The following CACHD1 variants were observed in gnomAD, a reference collection of about 807,000 sequenced individuals.
CACHD1 encodes VWFA and cache domain-containing protein 1.
A neutral mutation model predicts 138.7 loss-of-function variants in CACHD1; 71 were observed. That is an observed-to-expected ratio of 0.51 (90% CI 0.42 to 0.62). The LOEUF (loss-of-function observed/expected upper bound fraction) is 0.62. CACHD1 is among the 20% of genes least tolerant of loss of function. CACHD1 has a pLI of 0.00. For synonymous variants in CACHD1, 578 were observed against 591.5 expected (o/e 0.98, Z 0.33); for missense variants, 1,389 against 1,625.3 (o/e 0.85, Z 2.50).
At chr1:64,481,699 G>C (rs1192522654) in intron 1 of CACHD1, among the ~76,000 whole-genome samples, 2 of 152,216 alleles carry the variant, frequency 1.3e-5, no homozygotes, top group African/African-American at 4.8e-5. Flanking sequence ...TTCAGCTGTG[G>C]CAGAGCTGAT....
chr1:64,611,516 A>G (rs922798114), intron 4 of CACHD1, among the ~76,000 whole-genome samples: 1 of 152,214 alleles, frequency 6.6e-6, no homozygotes, highest in Admixed American at 6.5e-5. Flanking sequence ...CAGATACCCT[A>G]AATCATCTCT....
chr1:64,536,742 C>G (rs1646635491), intron 1 of CACHD1, among the ~76,000 whole-genome samples: 3 of 152,282 alleles, frequency 2.0e-5, no homozygotes, highest in Admixed American at 1.3e-4. Flanking sequence ...GTGATTAACA[C>G]TGGATGTTGG....
intron 1 of CACHD1, among the ~76,000 whole-genome samples, chr1:64,508,970 C>T (rs1646398162): frequency 6.6e-6 from 1 of 152,182 alleles, no homozygotes. Context: ...TTGGCTGCTA[C>T]TCCCCTCATC....
At chr1:64,528,570 A>T (rs12081731) in intron 1 of CACHD1, among the ~76,000 whole-genome samples, 5,128 of 152,282 alleles carry the variant, frequency 0.034, 136 homozygotes, top group African/African-American at 0.067. Context: ...TGAATAAATT[A>T]TTAGTTTTGT....
chr1:64,627,400 C>T (rs1648147517), intron 4 of CACHD1, among the ~76,000 whole-genome samples: 1 of 152,018 alleles, frequency 6.6e-6, no homozygotes, highest in Non-Finnish European at 1.5e-5. Flanking sequence ...GAGTGAGACC[C>T]TGTCTCAAAA....
chr1:64,616,386 G>A (rs1274013620), intron 4 of CACHD1, among the ~76,000 whole-genome samples: 3 of 152,092 alleles, frequency 2.0e-5, no homozygotes, highest in Non-Finnish European at 4.4e-5. Context: ...CAACAGACAA[G>A]TTCAATTATG....
intron 4 of CACHD1, among the ~76,000 whole-genome samples, chr1:64,604,549 A>C (rs923539438): frequency 6.6e-6 from 1 of 152,244 alleles, no homozygotes; most frequent in African/African-American, 2.4e-5. Context: ...CTTGAGGTTG[A>C]AATAGCAATC....
intron 1 of CACHD1, among the ~76,000 whole-genome samples, chr1:64,495,391 T>C (rs1219959395): frequency 1.3e-5 from 2 of 152,216 alleles, no homozygotes; most frequent in Non-Finnish European, 2.9e-5. Context: ...TTTTCTCATG[T>C]ATTAGGAAAA....
At chr1:64,690,718 A>G (rs1052812762) in intron 26 of CACHD1, among the ~76,000 whole-genome samples, 5 of 152,238 alleles carry the variant, frequency 3.3e-5, no homozygotes, top group African/African-American at 4.8e-5. Context: ...ATTAAAATAT[A>G]TCACCATTGG....
At chr1:64,502,560 G>A (rs1462213429) in intron 1 of CACHD1, among the ~76,000 whole-genome samples, 1 of 152,126 alleles carries the variant, frequency 6.6e-6, no homozygotes. Flanking sequence ...GCATCTATGT[G>A]TGTGTGTGTG....
At chr1:64,614,467 T>C (rs1647641599) in intron 4 of CACHD1, among the ~76,000 whole-genome samples, 1 of 151,996 alleles carries the variant, frequency 6.6e-6, no homozygotes, top group Non-Finnish European at 1.5e-5. Flanking sequence ...TCTAGACATC[T>C]TGTTGGACAT....
At position 64,654,717 on chromosome 1, in the gene CACHD1, C is replaced by T; in HGVS notation, c.1696C>T (p.Pro566Ser). 1 of 1,613,824 alleles carries T rather than the reference C, an allele frequency of 6.2e-7. No homozygotes were observed. Among genetic ancestry groups the T allele is most frequent in the African/African-American group, 1.3e-5 (1 of 74,994 alleles). ...LPLGSQIIAV[P>S]VNSSLSWHIN... The stretch of plus-strand genomic sequence containing the variant: ...TCTGGGCAGCCAGATTATCGCAGTC[C>T]CTGTGAACTCATCCCTGTCTTGGCA... The change falls in exon 12 of 27, where the codon CCT (proline) becomes TCT (serine). Residue 566 changes from proline to serine, a missense_variant. Transcript: ENST00000651257.
intron 3 of CACHD1, among the ~76,000 whole-genome samples, chr1:64,596,901 A>G (rs1257711140): frequency 6.6e-6 from 1 of 152,160 alleles, no homozygotes; most frequent in Non-Finnish European, 1.5e-5. Flanking sequence ...TCCACATTTC[A>G]TCACTGCCCT....
chr1:64,630,795 A>G (rs1218752622), intron 5 of CACHD1, among the ~76,000 whole-genome samples: 1 of 152,180 alleles, frequency 6.6e-6, no homozygotes, highest in Non-Finnish European at 1.5e-5. Flanking sequence ...CTGTGAAGAA[A>G]AGTTTAAAAA....
intron 2 of CACHD1, among the ~76,000 whole-genome samples, chr1:64,554,341 G>C (rs1646781083): frequency 6.6e-6 from 1 of 152,144 alleles, no homozygotes; most frequent in African/African-American, 2.4e-5. Flanking sequence ...TTGTATGTGT[G>C]TCTCCACACA....
Position 64,675,573 on chromosome 1 carries a change from A to G in CACHD1, c.2888+12A>G, listed in dbSNP as rs1310672398. The stretch of plus-strand genomic sequence containing the variant: ...CTCAACTGTCACCGGTAAAAATGCA[A>G]TGGGTCATATTCTGTGTTCACCACA... On this transcript the variant is annotated intron_variant, in intron 20 of 26. Transcript: ENST00000651257. The G allele has an allele frequency of 1.9e-6, 3 of 1,604,362 alleles. No individual in the cohort carries two copies. Among genetic ancestry groups the G allele is most frequent in the East Asian group, 2.2e-5 (1 of 44,628 alleles).
chr1:64,492,771 A>G (rs1646285492), intron 1 of CACHD1, among the ~76,000 whole-genome samples: 1 of 152,134 alleles, frequency 6.6e-6, no homozygotes, highest in African/African-American at 2.4e-5. Context: ...TTCTTAGCCT[A>G]GTTTAATACT....
intron 1 of CACHD1, among the ~76,000 whole-genome samples, chr1:64,519,191 A>G (rs1646479959): frequency 6.6e-6 from 1 of 152,226 alleles, no homozygotes; most frequent in South Asian, 2.1e-4. Flanking sequence ...TTGCTCAAAA[A>G]TCTCTGGGAG....
At chr1:64,482,130 T>C (rs1259505908) in intron 1 of CACHD1, among the ~76,000 whole-genome samples, 1 of 152,188 alleles carries the variant, frequency 6.6e-6, no homozygotes, top group African/African-American at 2.4e-5. Context: ...TATTTAAATA[T>C]TTTAAGAGTT....
Sources: gnomAD v4.1 joint callset for allele counts (sites outside exome capture counted in the v4.1 genomes callset) on GRCh38, gnomAD v4.1.1 for gene constraint, MANE v1.5 for transcripts, NCBI Gene and HGNC (gene_info 2026-07-23, HGNC 2026-07-21) for gene names.